The following KHDRBS2 variants were observed in gnomAD, a reference collection of about 807,000 sequenced individuals.
KHDRBS2 encodes the protein KH RNA binding domain containing, signal transduction associated 2, also known as KH domain-containing, RNA-binding, signal transduction-associated protein 2.
KHDRBS2 carries 26 observed loss-of-function variants against 44.3 expected under a neutral mutation model. The ratio of observed to expected loss-of-function variants is 0.59; its 90% CI spans 0.43 to 0.81. KHDRBS2 has a LOEUF of 0.81. KHDRBS2 is among the 40% of genes least tolerant of loss of function. The pLI, the probability that KHDRBS2 is intolerant of heterozygous loss-of-function variation, is 0.00. For missense variants in KHDRBS2, 476 were observed against 433.1 expected (o/e 1.10, Z -0.88); for synonymous variants, 194 against 151.1 (o/e 1.28, Z -2.08).
the KHDRBS2 span, among the ~76,000 whole-genome samples, chr6:61,543,210 C>G: frequency 6.6e-6 from 1 of 151,848 alleles, no homozygotes; most frequent in African/African-American, 2.4e-5. Flanking sequence ...TGCAAACTAT[C>G]CATCTGACAA....
the KHDRBS2 span, among the ~76,000 whole-genome samples, chr6:61,561,245 G>T: frequency 6.6e-6 from 1 of 152,044 alleles, no homozygotes; most frequent in East Asian, 1.9e-4. Context: ...CTCCTGAGCT[G>T]CCTGAAACTT....
intron 6 of KHDRBS2, among the ~76,000 whole-genome samples, chr6:61,752,946 T>G (rs1016405670): frequency 2.6e-5 from 4 of 152,090 alleles, no homozygotes; most frequent in African/African-American, 9.7e-5. Context: ...AATAGAATAA[T>G]AATAATTTTA....
At chr6:62,195,825 C>T (rs1825565022) in intron 1 of KHDRBS2, among the ~76,000 whole-genome samples, 1 of 152,112 alleles carries the variant, frequency 6.6e-6, no homozygotes, top group South Asian at 2.1e-4. Context: ...TTGGCTTAGG[C>T]TGGCCAGTGA....
intron 6 of KHDRBS2, among the ~76,000 whole-genome samples, chr6:61,823,796 G>A (rs1790398075): frequency 6.6e-6 from 1 of 152,028 alleles, no homozygotes. Context: ...TTTCAAAAAT[G>A]TGTGGCTACT....
chr6:61,760,151 C>G (rs369960883), intron 6 of KHDRBS2, among the ~76,000 whole-genome samples: 24 of 152,090 alleles, frequency 1.6e-4, no homozygotes, highest in Non-Finnish European at 3.2e-4. Context: ...ATACATTGTG[C>G]TAAACATCCG....
the KHDRBS2 span, among the ~76,000 whole-genome samples, chr6:61,659,800 G>A: frequency 4.3e-4 from 66 of 151,810 alleles, no homozygotes; most frequent in Admixed American, 4.2e-3. Context: ...TCTGGCACAC[G>A]ATGTTATAAA....
In KHDRBS2 at chr6:61,955,135, T is replaced by C. The variant is rs186083321; in HGVS notation, c.483+22931A>G. ...ATATGTGTATATATGTATACATATG[T>C]ATATACACATACGTGTGTATGTATG... is the stretch of plus-strand genomic sequence containing the variant. On this transcript the variant is annotated intron_variant, in intron 4 of 8. Coordinates refer to ENST00000281156, the MANE Select transcript of KHDRBS2 (RefSeq NM_152688.4). Among the ~76,000 whole-genome samples, 8 of 145,208 alleles carry C rather than the reference T, an allele frequency of 5.5e-5. No homozygotes were observed. In the South Asian group the frequency reaches 8.6e-4, roughly 16 times the overall value.
chr6:61,765,250 TG>T (rs1160897147), intron 6 of KHDRBS2, among the ~76,000 whole-genome samples: 6 of 152,196 alleles, frequency 3.9e-5, no homozygotes, highest in African/African-American at 1.4e-4. Context: ...GCCAGGACTT[TG>T]AGACCAGCCT....
intron 2 of KHDRBS2, among the ~76,000 whole-genome samples, chr6:62,095,431 C>T (rs1224392672): frequency 6.6e-6 from 1 of 151,752 alleles, no homozygotes; most frequent in Non-Finnish European, 1.5e-5. Context: ...TGTTTAGATA[C>T]ACAAATACTA....
chr6:61,732,709 T>C lies in KHDRBS2; in HGVS notation c.866A>G (p.Asp289Gly), dbSNP rs1215884910. 3 of 1,611,204 alleles carry C rather than the reference T, an allele frequency of 1.9e-6. No individual in the cohort carries two copies. Among genetic ancestry groups the C allele is most frequent in the Admixed American group, 1.7e-5 (1 of 59,976 alleles). ...EYDDQTYETY[D>G]NSYATQTQSV... ...TTGTGTTTGGGTCGCATAGCTGTTA[T>C]CATAAGTCTCATAGGTCTGGTCATC... Residue 289 changes from aspartate (D) to glycine (G), a missense_variant, in exon 7 of 9, where the codon GAT becomes GGT. By Grantham distance (94) the Asp-to-Gly change is moderately conservative (BLOSUM62 -1). Transcript: ENST00000281156.
At chr6:62,020,836 C>G (rs894401364) in intron 3 of KHDRBS2, among the ~76,000 whole-genome samples, 8 of 151,944 alleles carry the variant, frequency 5.3e-5, no homozygotes, top group Non-Finnish European at 1.0e-4. Context: ...GTGTGCATCT[C>G]AGAGGCTTAA....
chr6:61,990,374 T>G (rs920340216), intron 3 of KHDRBS2, among the ~76,000 whole-genome samples: 8 of 152,200 alleles, frequency 5.3e-5, no homozygotes, highest in Admixed American at 5.2e-4. Context: ...ATATAAATTC[T>G]ACAAAGAGAG....
intron 1 of KHDRBS2, among the ~76,000 whole-genome samples, chr6:62,211,599 A>G (rs897197966): frequency 1.3e-5 from 2 of 152,218 alleles, no homozygotes; most frequent in Non-Finnish European, 2.9e-5. Flanking sequence ...ACTGGTTCAA[A>G]TGACTTTTTA....
At chr6:62,188,612 A>G (rs1823944885) in intron 1 of KHDRBS2, among the ~76,000 whole-genome samples, 1 of 152,186 alleles carries the variant, frequency 6.6e-6, no homozygotes, top group Non-Finnish European at 1.5e-5. Context: ...AAATAAATGC[A>G]TGAAGATCTG....
chr6:61,951,409 T>C (rs1764714505), intron 4 of KHDRBS2, among the ~76,000 whole-genome samples: 1 of 152,066 alleles, frequency 6.6e-6, no homozygotes, highest in Non-Finnish European at 1.5e-5. Context: ...TAAATTGACA[T>C]TCAACAAGTA....
chr6:61,676,606 T>C (rs1765959778), downstream of KHDRBS2, among the ~76,000 whole-genome samples: 1 of 151,860 alleles, frequency 6.6e-6, no homozygotes, highest in Non-Finnish European at 1.5e-5. Context: ...AGCAATTGTG[T>C]GTGCAGTTTT....
the KHDRBS2 span, among the ~76,000 whole-genome samples, chr6:61,551,916 C>A: frequency 6.6e-6 from 1 of 151,914 alleles, no homozygotes; most frequent in Non-Finnish European, 1.5e-5. Context: ...CATTATATAT[C>A]CCATGTGAAT....
intron 4 of KHDRBS2, among the ~76,000 whole-genome samples, chr6:61,916,507 C>T (rs79479171): frequency 0.01 from 1,533 of 151,928 alleles, 12 homozygotes; most frequent in Middle Eastern, 0.017. Flanking sequence ...TCATTGCTAT[C>T]AATGCAAACA....
intron 6 of KHDRBS2, among the ~76,000 whole-genome samples, chr6:61,816,296 G>T (rs759292465): frequency 6.6e-6 from 1 of 152,034 alleles, no homozygotes; most frequent in African/African-American, 2.4e-5. Flanking sequence ...ATCAAATTTA[G>T]ATATAATCAA....
Sources: gnomAD v4.1 joint callset for allele counts (sites outside exome capture counted in the v4.1 genomes callset) on GRCh38, gnomAD v4.1.1 for gene constraint, MANE v1.5 for transcripts, NCBI Gene and HGNC (gene_info 2026-07-23, HGNC 2026-07-21) for gene names.